Variants in CNTLN observed in about 807,000 individuals in gnomAD.
CNTLN encodes centlein, centrosomal protein.
Under a neutral mutation model 180.0 loss-of-function variants are expected in CNTLN, and 212 were observed. That is an observed-to-expected ratio of 1.18 (90% confidence interval 1.05 to 1.32). The LOEUF is 1.32. Ranked by LOEUF, CNTLN falls within the 40% of genes most tolerant of loss-of-function variation. The pLI is 0.00. For missense variants in CNTLN, 2,095 were observed against 1,610.9 expected (o/e 1.30, Z -5.14); for synonymous variants, 722 against 563.1 (o/e 1.28, Z -3.99).
intron 16 of CNTLN, among the ~76,000 whole-genome samples, chr9:17,413,961 A>C (rs1042515245): frequency 6.6e-6 from 1 of 152,226 alleles, no homozygotes; most frequent in Admixed American, 6.5e-5. Context: ...AACAACCAAA[A>C]TTCTCTTCAA....
At position 17,288,079 on chromosome 9, in the gene CNTLN, A is replaced by C. The variant is rs1035128590; in HGVS notation, c.984-10111A>C. 3.9e-4 allele frequency among the ~76,000 whole-genome samples: 52 copies of C among 134,006 alleles called. 4 individuals are homozygous for C. The highest frequency in any genetic ancestry group is 6.2e-4 in the Non-Finnish European group (40 of 64,960). 87.9% of individuals were successfully genotyped at this position (134,006 alleles called of 152,430 possible). A position where few individuals can be genotyped will look rare whatever the true frequency, so the allele number is the denominator to read the frequency against. On this transcript the variant is annotated intron_variant, in intron 6 of 25. Transcript: ENST00000380647. ...TGAATGTGTTTGGTCTTGCTTTTCT[A>C]GTTCTTTTAATTGTGATGTTAGGGT...
rs533906025 is a variant in CNTLN at position 17,216,578 on chromosome 9, T to C, written c.450-9625T>C. Among the ~76,000 whole-genome samples, 3 of 152,346 alleles carry C rather than the reference T, an allele frequency of 2.0e-5. No homozygotes were observed. The East Asian group carries it at 5.8e-4, about 29-fold the overall frequency. ...CACTTGGTTCAAAGATTTAATTTCA[T>C]AGTAAAGGAGAGATTGTCTTATTTT... On this transcript the variant is annotated intron_variant, in intron 2 of 25. Coordinates refer to ENST00000380647, the MANE Select transcript of CNTLN (RefSeq NM_017738.4).
At chr9:17,221,621 T>A (rs1334692120) in intron 2 of CNTLN, among the ~76,000 whole-genome samples, 2 of 152,134 alleles carry the variant, frequency 1.3e-5, no homozygotes, top group Non-Finnish European at 1.5e-5. Flanking sequence ...AAACTTGGCT[T>A]GAGAAAGACC....
At chr9:17,149,512 C>CTTTTTTTTTTTTTTTTTTTTTTT (rs55691769) in intron 2 of CNTLN, among the ~76,000 whole-genome samples, 6 of 106,150 alleles carry the variant, frequency 5.7e-5, no homozygotes, top group African/African-American at 1.1e-4. Flanking sequence ...TTCTTTCTTT[C>CTTTTTTTTTTTTTTTTTTTTTTT]TTTTTTTTTT....
At chr9:17,347,104 A>G (rs999943853) in intron 12 of CNTLN, among the ~76,000 whole-genome samples, 10 of 152,074 alleles carry the variant, frequency 6.6e-5, no homozygotes, top group African/African-American at 2.4e-4. Flanking sequence ...TAGAGTTTCT[A>G]TTTAATTTAT....
At chr9:17,449,256 C>G (rs1179895797) in intron 18 of CNTLN, among the ~76,000 whole-genome samples, 1 of 151,974 alleles carries the variant, frequency 6.6e-6, no homozygotes, top group East Asian at 1.9e-4. Context: ...TCTCCCAGTG[C>G]TATCCCTCCC....
chr9:17,372,606 A>G (rs1281732447), intron 13 of CNTLN, among the ~76,000 whole-genome samples: 2 of 152,192 alleles, frequency 1.3e-5, no homozygotes, highest in African/African-American at 4.8e-5. Flanking sequence ...AGAGGAGGGA[A>G]TACTTTCAAA....
chr9:17,471,205 C>G (rs1354588654), intron 23 of CNTLN, among the ~76,000 whole-genome samples: 1 of 151,882 alleles, frequency 6.6e-6, no homozygotes, highest in African/African-American at 2.4e-5. Context: ...AAGAGTGACT[C>G]CAGAGTCTTT....
chr9:17,214,726 ATG>A, intron 2 of CNTLN, among the ~76,000 whole-genome samples: 2 of 152,104 alleles, frequency 1.3e-5, no homozygotes, highest in Non-Finnish European at 2.9e-5. Flanking sequence ...TCACATAGTC[ATG>A]TATTTCTTGG....
At chr9:17,480,614 T>G (rs1832593100) in intron 23 of CNTLN, among the ~76,000 whole-genome samples, 1 of 152,184 alleles carries the variant, frequency 6.6e-6, no homozygotes. Context: ...ACTGACATCT[T>G]AAGCCACAAA....
intron 2 of CNTLN, among the ~76,000 whole-genome samples, chr9:17,220,589 C>T (rs551957349): frequency 1.3e-5 from 2 of 152,112 alleles, no homozygotes. Context: ...CCTCCTCCCA[C>T]CCTGCACTCT....
Position 17,464,696 on chromosome 9 carries a change from T to G in CNTLN, c.3531+73T>G, listed in dbSNP as rs1448960634. The G allele has an allele frequency of 1.4e-5, 13 of 940,054 alleles. 1 individual carries two copies. In the South Asian group the frequency reaches 2.2e-4, roughly 16 times the overall value. 58.2% of individuals were successfully genotyped at this position (940,054 alleles called of 1,614,324 possible). Reference sequence around the variant, plus strand: ...TAATTACTCTCTTACCACAAACATTTAATCCTAATAAATGTATAGAAAATA... The same window carrying G: ...TAATTACTCTCTTACCACAAACATTGAATCCTAATAAATGTATAGAAAATA... On this transcript the variant is annotated intron_variant, in intron 21 of 25. Coordinates refer to ENST00000380647, the MANE Select transcript of CNTLN (RefSeq NM_017738.4).
chr9:17,375,438 C>T (rs1824680336), intron 13 of CNTLN, among the ~76,000 whole-genome samples: 2 of 152,112 alleles, frequency 1.3e-5, no homozygotes, highest in South Asian at 2.1e-4. Flanking sequence ...GTGATGGATG[C>T]CCCATTTACC....
chr9:17,258,153 T>C lies in CNTLN; in HGVS notation c.850-15580T>C, dbSNP rs570348141. On this transcript the variant is annotated intron_variant, in intron 5 of 25. Transcript: ENST00000380647. ...TTAATCCATCTTGAATTGATTTTTG[T>C]ATAAGGTGTAAGGAAGGGATCCAGT... is the stretch of plus-strand genomic sequence containing the variant. Among the ~76,000 whole-genome samples the C allele has an allele frequency of 2.1e-3, 306 of 146,954 alleles. 4 individuals are homozygous for C. Among genetic ancestry groups the C allele is most frequent in the African/African-American group, 7.4e-3 (285 of 38,354 alleles).
chr9:17,443,037 G>A (rs1830198129), intron 18 of CNTLN, among the ~76,000 whole-genome samples: 1 of 152,160 alleles, frequency 6.6e-6, no homozygotes, highest in South Asian at 2.1e-4. Context: ...GTTAAAAGGT[G>A]TCTACCAAAA....
At chr9:17,489,999 A>C (rs1024964695) in intron 25 of CNTLN, among the ~76,000 whole-genome samples, 2 of 152,174 alleles carry the variant, frequency 1.3e-5, no homozygotes, top group Non-Finnish European at 2.9e-5. Context: ...CTTGTAATTT[A>C]TGGCAGAGAC....
chr9:17,207,513 A>G (rs114630295), intron 2 of CNTLN, among the ~76,000 whole-genome samples: 3,167 of 152,286 alleles, frequency 0.021, 68 homozygotes, highest in African/African-American at 0.056. Context: ...TCCGTTGTGC[A>G]GACTGCAAAA....
intron 12 of CNTLN, among the ~76,000 whole-genome samples, chr9:17,360,376 G>A (rs1823273263): frequency 1.3e-5 from 2 of 152,122 alleles, no homozygotes; most frequent in Non-Finnish European, 2.9e-5. Context: ...CTAAGGTAGA[G>A]GTCAGTGGAT....
chr9:17,140,144 A>T (rs1243992345), intron 1 of CNTLN, among the ~76,000 whole-genome samples: 3 of 150,702 alleles, frequency 2.0e-5, no homozygotes, highest in Non-Finnish European at 4.4e-5. Flanking sequence ...TCGGGGGGGG[A>T]CTTTATTTTT....
Sources: gnomAD v4.1 joint callset for allele counts (sites outside exome capture counted in the v4.1 genomes callset) on GRCh38, gnomAD v4.1.1 for gene constraint, MANE v1.5 for transcripts, NCBI Gene and HGNC (gene_info 2026-07-23, HGNC 2026-07-21) for gene names.